The following ACACA variants were observed in gnomAD, a reference collection of about 807,000 sequenced individuals.
The protein encoded by ACACA is acetyl-CoA carboxylase 1.
Under a neutral mutation model 296.1 loss-of-function variants are expected in ACACA, and 103 were observed. That is an observed-to-expected ratio of 0.35 (90% CI 0.30 to 0.41). The LOEUF (loss-of-function observed/expected upper bound fraction) is 0.41, where lower values mean the gene tolerates loss of function less well. ACACA is among the 10% of genes least tolerant of loss of function. The pLI, the probability that ACACA is intolerant of heterozygous loss-of-function variation, is 1.00. For synonymous variants in ACACA, 953 were observed against 1,038.6 expected, an observed-to-expected ratio of 0.92 and a Z score of 1.58; for missense variants, 1,554 against 2,989.7, an observed-to-expected ratio of 0.52 and a Z score of 11.20.
intron 1 of ACACA, among the ~76,000 whole-genome samples, chr17:37,385,330 G>A (rs780794071): frequency 5.3e-5 from 8 of 152,082 alleles, no homozygotes; most frequent in Non-Finnish European, 8.8e-5. Context: ...AAAATTAGCC[G>A]GGTGCGATGG....
intron 34 of ACACA, 107 bp from the exon 35 acceptor site, chr17:37,200,290 T>TA: frequency 7.2e-7 from 1 of 1,391,150 alleles, no homozygotes; most frequent in South Asian, 1.2e-5. Flanking sequence ...TAATGTTTTT[T>TA]AAAAATGAAA....
chr17:37,389,376 G>A, intron 1 of ACACA: 2 of 1,564,784 alleles, frequency 1.3e-6, no homozygotes, highest in Non-Finnish European at 1.7e-6. Context: ...AGTGTTCTCT[G>A]TGTGGTTTAT....
intron 55 of ACACA, 31 bp downstream of exon 55, chr17:37,088,907 T>C: frequency 1.2e-6 from 2 of 1,613,346 alleles, no homozygotes; most frequent in South Asian, 1.1e-5. Flanking sequence ...TAGCCCTCCT[T>C]CTCTAGTGGA....
At chr17:37,321,600 T>G (rs187105906) in intron 3 of ACACA, among the ~76,000 whole-genome samples, 9 of 152,052 alleles carry the variant, frequency 5.9e-5, no homozygotes, top group African/African-American at 2.2e-4. Flanking sequence ...ATACAAAAAT[T>G]AGCCAGGCGT....
rs577430756 is a variant in ACACA at position 37,281,810 on chromosome 17, G to A, written c.610+1457C>T. Among the ~76,000 whole-genome samples the A allele has an allele frequency of 4.5e-4, 68 of 152,270 alleles. No homozygotes were observed. In the South Asian group the frequency reaches 0.013, roughly 28 times the overall value. On this transcript the variant is annotated intron_variant, in intron 5 of 55. Transcript: ENST00000616317. The stretch of plus-strand genomic sequence containing the variant: ...GAACCCAGGAGGCGGAGGTTGCAGT[G>A]AGCTGAGTTTGCACCACTGCACTGC...
intron 29 of ACACA, among the ~76,000 whole-genome samples, chr17:37,221,313 C>A (rs766107296): frequency 1.3e-5 from 2 of 152,146 alleles, no homozygotes; most frequent in African/African-American, 2.4e-5. Context: ...TCAGATATAA[C>A]CTCAACCCAT....
rs57554348 is a variant in ACACA, at chr17:37,314,634, CTTTTTTTTTTTT to C, written c.338+15527_338+15538del. On this transcript the variant is annotated intron_variant, in intron 3 of 55. Coordinates refer to ENST00000616317, the MANE Select transcript of ACACA (RefSeq NM_198834.3). ...CCGGGATAGGACTCAGGAATCCACA[CTTTTTTTTTTTT>C]TTTTTTTTTTTGAGATGGTATCTCA... is the stretch of plus-strand genomic sequence containing the variant. Among the ~76,000 whole-genome samples the C allele has an allele frequency of 4.5e-5, 5 of 109,996 alleles. No individual in the cohort carries two copies. The East Asian group carries it at 1.2e-3, about 27-fold the overall frequency. The allele number at this position is 109,996 out of a possible 152,430, so 72.2% of individuals were successfully genotyped here. A position where few individuals can be genotyped will look rare whatever the true frequency, so the allele number is the denominator to read the frequency against.
chr17:37,223,940 A>G (rs12719988), intron 27 of ACACA, among the ~76,000 whole-genome samples: 53,685 of 152,142 alleles, frequency 0.35, 12,415 homozygotes, highest in African/African-American at 0.65. Context: ...GGTGGCTCAC[A>G]CCTATAATCC....
intron 42 of ACACA, 137 bp downstream of exon 42, chr17:37,161,644 A>G (rs2076465821): frequency 9.5e-7 from 1 of 1,057,170 alleles, no homozygotes; most frequent in South Asian, 1.6e-5. Flanking sequence ...AGGAATTTTC[A>G]CAAATAATTT....
intron 45 of ACACA, among the ~76,000 whole-genome samples, chr17:37,139,638 T>C (rs2075479083): frequency 1.3e-5 from 2 of 152,300 alleles, no homozygotes; most frequent in Non-Finnish European, 2.9e-5. Context: ...ATCTGGACTT[T>C]CAACAAGGCA....
intron 35 of ACACA, among the ~76,000 whole-genome samples, chr17:37,198,213 C>T (rs2078090805): frequency 1.3e-5 from 2 of 152,154 alleles, no homozygotes; most frequent in African/African-American, 4.8e-5. Flanking sequence ...GAACTAATCA[C>T]TTTGGTTTGC....
intron 3 of ACACA, chr17:37,299,190 G>T: frequency 1.5e-6 from 2 of 1,321,332 alleles, no homozygotes; most frequent in Non-Finnish European, 2.1e-6. Context: ...GAAAAAAAAT[G>T]ATCAAATAAA....
At chr17:37,302,392 T>C (rs532195060) in intron 3 of ACACA, among the ~76,000 whole-genome samples, 3 of 152,020 alleles carry the variant, frequency 2.0e-5, no homozygotes, top group Non-Finnish European at 4.4e-5. Context: ...GTATTTTTAG[T>C]AGAGATGGGG....
intron 39 of ACACA, among the ~76,000 whole-genome samples, chr17:37,184,509 C>T (rs926192447): frequency 6.6e-6 from 1 of 152,158 alleles, no homozygotes; most frequent in African/African-American, 2.4e-5. Context: ...CAAAACATAT[C>T]TGTGAATATA....
chr17:37,379,431 T>A lies in ACACA; in HGVS notation c.38+26831A>T, dbSNP rs1233280889. 1.9e-6 allele frequency: 3 copies of A among 1,575,106 alleles called. No homozygotes were observed. The Admixed American group carries it at 5.4e-5, about 28-fold the overall frequency. ...GGCAGGCACTAACTTTTAGTTGACA[T>A]CCTTGAAGGCAGCCAGAACTCCGTA... is the stretch of plus-strand genomic sequence containing the variant. On this transcript the variant is annotated intron_variant, in intron 1 of 55. Transcript: ENST00000616317.
At chr17:37,299,023 G>C (rs939729186) in intron 3 of ACACA, among the ~76,000 whole-genome samples, 4 of 152,176 alleles carry the variant, frequency 2.6e-5, no homozygotes, top group Admixed American at 2.6e-4. Context: ...GGGTCTGCAT[G>C]GGGTGCTTGT....
intron 4 of ACACA, among the ~76,000 whole-genome samples, 195 bp from the exon 5 acceptor site, chr17:37,283,600 A>G (rs890754979): frequency 2.0e-5 from 3 of 152,212 alleles, no homozygotes; most frequent in Admixed American, 2.0e-4. Context: ...AATGTTAACT[A>G]AGCAAATACT....
intron 25 of ACACA, among the ~76,000 whole-genome samples, chr17:37,232,378 A>G (rs930307235): frequency 1.3e-4 from 20 of 152,336 alleles, no homozygotes; most frequent in Middle Eastern, 3.4e-3. Context: ...GGGGAGTCAA[A>G]GTGCTACCAT....
chr17:37,206,676 A>G (rs2078514642), intron 32 of ACACA, 107 bp downstream of exon 32: 1 of 928,454 alleles, frequency 1.1e-6, no homozygotes, highest in Non-Finnish European at 1.7e-6. Context: ...AAAGTGGGGT[A>G]AAAGGATGAA....
Sources: allele counts gnomAD v4.1 joint callset (sites outside exome capture counted in the v4.1 genomes callset), GRCh38; gene constraint gnomAD v4.1.1; transcripts MANE v1.5; gene names NCBI Gene and HGNC (gene_info 2026-07-23, HGNC 2026-07-21).